MALRD1: variants seen among roughly 807,000 people sequenced by gnomAD.
MALRD1 encodes MAM and LDL-receptor class A domain-containing protein 1.
MALRD1 carries 247 observed loss-of-function variants against 242.1 expected under a neutral mutation model. That is an observed-to-expected ratio of 1.02 (90% CI 0.92 to 1.13). The LOEUF is 1.13. MALRD1 is among the 50% of genes most tolerant of loss of function. The pLI is 0.00. For missense variants in MALRD1, 2,989 were observed against 2,533.1 expected (o/e 1.18, Z -3.86); for synonymous variants, 995 against 866.6 (o/e 1.15, Z -2.60).
intron 21 of MALRD1, among the ~76,000 whole-genome samples, chr10:19,305,347 A>T (rs985124283): frequency 6.6e-6 from 1 of 151,646 alleles, no homozygotes. Flanking sequence ...TGAAAATTAT[A>T]CGAATAAGAA....
At chr10:19,696,743 C>G (rs1833395522) in intron 38 of MALRD1, among the ~76,000 whole-genome samples, 1 of 150,164 alleles carries the variant, frequency 6.7e-6, no homozygotes, top group Non-Finnish European at 1.5e-5. Flanking sequence ...CCCATCTCTG[C>G]CCAAAATTAA....
intron 33 of MALRD1, among the ~76,000 whole-genome samples, chr10:19,588,633 C>A (rs1000455394): frequency 3.3e-5 from 5 of 152,268 alleles, no homozygotes; most frequent in Non-Finnish European, 5.9e-5. Flanking sequence ...AATTCTAAAG[C>A]AACATTTCTT....
chr10:19,367,613 T>TC (rs1434039318), intron 26 of MALRD1, among the ~76,000 whole-genome samples: 1 of 152,168 alleles, frequency 6.6e-6, no homozygotes, highest in East Asian at 1.9e-4. Flanking sequence ...TAACTATTTT[T>TC]CCTCCTTCGG....
chr10:19,228,567 A>G (rs1030366434), intron 18 of MALRD1, among the ~76,000 whole-genome samples: 1 of 152,204 alleles, frequency 6.6e-6, no homozygotes, highest in African/African-American at 2.4e-5. Context: ...AGCTGTAAAT[A>G]TGTTTGGAGC....
chr10:19,144,825 G>A (rs1833674952), intron 10 of MALRD1, among the ~76,000 whole-genome samples: 1 of 131,974 alleles, frequency 7.6e-6, no homozygotes, highest in South Asian at 2.2e-4. Flanking sequence ...TTACTATGTA[G>A]AGTGTTAAGA....
intron 38 of MALRD1, among the ~76,000 whole-genome samples, chr10:19,701,085 G>A (rs1253308172): frequency 1.3e-5 from 2 of 152,138 alleles, no homozygotes; most frequent in Non-Finnish European, 2.9e-5. Context: ...GGAGGTCAAG[G>A]CTGCAATGAG....
At position 19,174,821 on chromosome 10, in the gene MALRD1, A is replaced by G. The variant is rs76705876; in HGVS notation, c.1831-387A>G. Among the ~76,000 whole-genome samples the G allele has an allele frequency of 4.5e-4, 68 of 152,226 alleles. 2 individuals are homozygous for G. In the East Asian group the frequency reaches 0.013, roughly 29 times the overall value. ...TTTAAATATTTTAATATGGAAATAA[A>G]TCATTGCCTTCAGCACACTGATTAC... On this transcript the variant is annotated intron_variant, in intron 13 of 39. Coordinates refer to ENST00000454679, the MANE Select transcript of MALRD1 (RefSeq NM_001142308.3).
chr10:19,388,994 G>T (rs557638838), intron 27 of MALRD1, among the ~76,000 whole-genome samples: 1 of 151,270 alleles, frequency 6.6e-6, no homozygotes, highest in African/African-American at 2.4e-5. Flanking sequence ...CAATGTGCAA[G>T]AACAAAACTG....
chr10:19,212,293 G>T (rs1445391564), intron 18 of MALRD1, among the ~76,000 whole-genome samples: 2 of 152,084 alleles, frequency 1.3e-5, no homozygotes, highest in Non-Finnish European at 2.9e-5. Context: ...TCACTGGACG[G>T]TAATTTATAC....
intron 36 of MALRD1, among the ~76,000 whole-genome samples, chr10:19,654,591 T>A (rs1227423228): frequency 6.6e-6 from 1 of 152,340 alleles, no homozygotes; most frequent in East Asian, 1.9e-4. Context: ...GTCTTTTCTT[T>A]GCTTTCGCTT....
chr10:19,696,779 G>A (rs1421891885), intron 38 of MALRD1, among the ~76,000 whole-genome samples: 1 of 151,786 alleles, frequency 6.6e-6, no homozygotes, highest in Non-Finnish European at 1.5e-5. Context: ...AGCCTGGTGT[G>A]TTGGCATATG....
At chr10:19,510,897 A>G (rs1470705280) in intron 31 of MALRD1, among the ~76,000 whole-genome samples, 1 of 152,202 alleles carries the variant, frequency 6.6e-6, no homozygotes, top group African/African-American at 2.4e-5. Flanking sequence ...ATTAGTTTCT[A>G]TACCAGATGT....
intron 21 of MALRD1, among the ~76,000 whole-genome samples, chr10:19,308,134 C>A (rs990019818): frequency 4.0e-5 from 6 of 151,354 alleles, no homozygotes; most frequent in African/African-American, 9.7e-5. Flanking sequence ...TTGTTTCTTT[C>A]TATTTTTTTT....
chr10:19,171,091 A>C (rs1834901777), intron 13 of MALRD1, among the ~76,000 whole-genome samples: 1 of 151,988 alleles, frequency 6.6e-6, no homozygotes, highest in African/African-American at 2.4e-5. Context: ...TGAGTTTTGC[A>C]CTTGTAAAAA....
At chr10:19,129,730 A>G (rs779990990) in intron 8 of MALRD1, among the ~76,000 whole-genome samples, 1 of 148,596 alleles carries the variant, frequency 6.7e-6, no homozygotes, top group Non-Finnish European at 1.5e-5. Context: ...AATAAATAAT[A>G]TATAATGTAT....
intron 31 of MALRD1, among the ~76,000 whole-genome samples, chr10:19,504,564 C>T (rs973060022): frequency 1.3e-5 from 2 of 151,726 alleles, no homozygotes; most frequent in African/African-American, 2.4e-5. Flanking sequence ...CTCATATGCA[C>T]TCAAACATAC....
chr10:19,113,371 C>T (rs1333493697), intron 5 of MALRD1, among the ~76,000 whole-genome samples: 2 of 152,184 alleles, frequency 1.3e-5, no homozygotes, highest in Non-Finnish European at 2.9e-5. Context: ...AACGCAGTGT[C>T]CTCTAATTCC....
At chr10:19,383,114 A>G (rs1286023168) in intron 26 of MALRD1, among the ~76,000 whole-genome samples, 1 of 152,146 alleles carries the variant, frequency 6.6e-6, no homozygotes, top group East Asian at 1.9e-4. Context: ...TAACTTGCAT[A>G]TCATGGGGGT....
chr10:19,279,442 T>C (rs1276526369), intron 19 of MALRD1, among the ~76,000 whole-genome samples: 2 of 152,176 alleles, frequency 1.3e-5, no homozygotes, highest in African/African-American at 4.8e-5. Context: ...CTACCACGTG[T>C]ATGGCACAGA....
Sources: gnomAD v4.1 joint callset for allele counts (sites outside exome capture counted in the v4.1 genomes callset) on GRCh38, gnomAD v4.1.1 for gene constraint, MANE v1.5 for transcripts, NCBI Gene and HGNC (gene_info 2026-07-23, HGNC 2026-07-21) for gene names.